DPP6: variants seen among roughly 807,000 people sequenced by gnomAD.
DPP6 encodes the protein dipeptidyl peptidase like 6.
A neutral mutation model predicts 122.6 loss-of-function variants in DPP6; 69 were observed. The ratio of observed to expected loss-of-function variants is 0.56; its 90% CI spans 0.46 to 0.69. The LOEUF is 0.69. Among genes scored for constraint, DPP6 ranks in the 30% least tolerant of loss-of-function variants. The pLI is 0.00. For synonymous variants in DPP6, 418 were observed against 433.1 expected, an observed-to-expected ratio of 0.97 and a Z score of 0.43; for missense variants, 928 against 1,116.9, an observed-to-expected ratio of 0.83 and a Z score of 2.41.
intron 5 of DPP6, among the ~76,000 whole-genome samples, chr7:154,614,661 T>A (rs546610239): frequency 1.1e-3 from 174 of 152,340 alleles, no homozygotes; most frequent in African/African-American, 3.9e-3. Context: ...AAACTTCAAG[T>A]TTAAATTCTC....
chr7:154,864,725 A>G (rs1174351173), intron 17 of DPP6, among the ~76,000 whole-genome samples: 1 of 152,262 alleles, frequency 6.6e-6, no homozygotes, highest in Non-Finnish European at 1.5e-5. Context: ...ACTAAATTTA[A>G]TAGTCTGTTG....
At chr7:154,288,103 A>C (rs190963321) in intron 1 of DPP6, among the ~76,000 whole-genome samples, 1 of 152,268 alleles carries the variant, frequency 6.6e-6, no homozygotes, top group East Asian at 1.9e-4. Context: ...TACCTCCCTG[A>C]ATTGAAGTCC....
At chr7:154,490,051 A>C (rs1824140910) in intron 3 of DPP6, among the ~76,000 whole-genome samples, 1 of 152,208 alleles carries the variant, frequency 6.6e-6, no homozygotes, top group African/African-American at 2.4e-5. Context: ...TATTTACACC[A>C]GTGTTACAGA....
At chr7:154,800,766 G>C (rs558083194) in intron 12 of DPP6, among the ~76,000 whole-genome samples, 1 of 152,194 alleles carries the variant, frequency 6.6e-6, no homozygotes. Flanking sequence ...TTTAGAACCC[G>C]TGGCATTTGT....
At chr7:153,784,411 CATTT>C in the DPP6 span, among the ~76,000 whole-genome samples, 1 of 151,428 alleles carries the variant, frequency 6.6e-6, no homozygotes, top group African/African-American at 2.4e-5. Context: ...TGTCCATTAA[CATTT>C]AGTTAGCATT....
chr7:154,585,845 G>C (rs1284211810), intron 5 of DPP6, among the ~76,000 whole-genome samples: 2 of 152,184 alleles, frequency 1.3e-5, no homozygotes, highest in Non-Finnish European at 2.9e-5. Context: ...AGGGCCGACT[G>C]TAATTCTGAA....
intron 5 of DPP6, among the ~76,000 whole-genome samples, chr7:154,580,395 G>A (rs530844365): frequency 3.9e-5 from 6 of 152,276 alleles, no homozygotes; most frequent in African/African-American, 9.6e-5. Context: ...ATACATCCAC[G>A]TCTTTGTGAA....
chr7:154,462,297 T>C (rs1821365544), intron 2 of DPP6, among the ~76,000 whole-genome samples: 1 of 152,204 alleles, frequency 6.6e-6, no homozygotes, highest in Admixed American at 6.5e-5. Context: ...GATAATATGA[T>C]TCATCCAGTT....
At chr7:153,852,305 G>A in the DPP6 span, among the ~76,000 whole-genome samples, 7 of 152,190 alleles carry the variant, frequency 4.6e-5, no homozygotes, top group Middle Eastern at 3.4e-3. Context: ...AATTGTCCCC[G>A]AGTTCTATAG....
At chr7:153,777,606 T>C in the DPP6 span, among the ~76,000 whole-genome samples, 2 of 106,414 alleles carry the variant, frequency 1.9e-5, no homozygotes, top group South Asian at 7.2e-4. Flanking sequence ...AAATCTTAAA[T>C]GCATTTTGCT....
chr7:153,927,962 T>C (rs13231898), intron 1 of DPP6, among the ~76,000 whole-genome samples: 46,050 of 152,148 alleles, frequency 0.3, 7,801 homozygotes, highest in East Asian at 0.6. Context: ...GACCATGGGT[T>C]CAGAGGTCTG....
chr7:153,839,627 C>T, the DPP6 span, among the ~76,000 whole-genome samples: 175 of 152,336 alleles, frequency 1.1e-3, no homozygotes, highest in African/African-American at 3.9e-3. Context: ...ACCTGACCCT[C>T]TGGGGTAGAA....
At chr7:154,510,038 A>G (rs1316348640) in intron 3 of DPP6, among the ~76,000 whole-genome samples, 1 of 152,200 alleles carries the variant, frequency 6.6e-6, no homozygotes, top group African/African-American at 2.4e-5. Context: ...CATGTCTGTG[A>G]ATACGTTAAA....
At chr7:154,625,213 A>C in intron 5 of DPP6, among the ~76,000 whole-genome samples, 1 of 152,218 alleles carries the variant, frequency 6.6e-6, no homozygotes, top group East Asian at 1.9e-4. Flanking sequence ...AGCTGATGAA[A>C]AGTTAAGGAT....
At chr7:154,422,574 G>A (rs1395720971) in intron 1 of DPP6, among the ~76,000 whole-genome samples, 1 of 152,066 alleles carries the variant, frequency 6.6e-6, no homozygotes, top group East Asian at 1.9e-4. Flanking sequence ...ATGGATGGAT[G>A]GTTGAATGGG....
chr7:153,972,275 T>C (rs1041105392), intron 1 of DPP6, among the ~76,000 whole-genome samples: 9 of 150,240 alleles, frequency 6.0e-5, no homozygotes, highest in Admixed American at 6.0e-4. Context: ...CTGGGGTTGA[T>C]GTTTCTCCAT....
chr7:153,905,121 G>A (rs1314219683), intron 1 of DPP6, among the ~76,000 whole-genome samples: 2 of 152,212 alleles, frequency 1.3e-5, no homozygotes, highest in Admixed American at 6.5e-5. Flanking sequence ...CACCCTCTCT[G>A]TAATGGGAGG....
intron 1 of DPP6, among the ~76,000 whole-genome samples, chr7:154,286,070 G>C (rs989641661): frequency 7.9e-5 from 12 of 152,116 alleles, no homozygotes; most frequent in African/African-American, 2.9e-4. Flanking sequence ...CTCTTGATCA[G>C]TCTACTAAAT....
intron 7 of DPP6, among the ~76,000 whole-genome samples, chr7:154,689,874 G>C (rs536718316): frequency 2.0e-5 from 3 of 152,130 alleles, no homozygotes; most frequent in Non-Finnish European, 4.4e-5. Context: ...GCATTACCAC[G>C]TGACTTGTCA....
Sources: gnomAD v4.1 joint callset for allele counts (sites outside exome capture counted in the v4.1 genomes callset) on GRCh38, gnomAD v4.1.1 for gene constraint, MANE v1.5 for transcripts, NCBI Gene and HGNC (gene_info 2026-07-23, HGNC 2026-07-21) for gene names.